Variants in MYO3B observed in about 807,000 individuals in gnomAD.
MYO3B encodes myosin IIIB, also known as myosin-IIIb.
A neutral mutation model predicts 174.6 loss-of-function variants in MYO3B; 156 were observed. That is an observed-to-expected ratio of 0.89 (90% CI 0.78 to 1.02). The LOEUF (loss-of-function observed/expected upper bound fraction) is 1.02. MYO3B is among the 50% of genes least tolerant of loss of function. The pLI, the probability that MYO3B is intolerant of heterozygous loss-of-function variation, is 0.00. For synonymous variants in MYO3B, 563 were observed against 569.1 expected (o/e 0.99, Z 0.15); for missense variants, 1,632 against 1,639.4 (o/e 1.00, Z 0.08).
At chr2:170,544,139 C>T (rs1690315714) in intron 32 of MYO3B, 151 bp downstream of exon 32, 1 of 543,706 alleles carries the variant, frequency 1.8e-6, no homozygotes, top group African/African-American at 1.9e-5. Flanking sequence ...GGATGTAAAA[C>T]TTGTATTAAA....
At chr2:170,406,052 G>A (rs967672109) in intron 21 of MYO3B, among the ~76,000 whole-genome samples, 1 of 151,986 alleles carries the variant, frequency 6.6e-6, no homozygotes, top group Admixed American at 6.6e-5. Flanking sequence ...GCCCCAAAAT[G>A]TCCAGATGAA....
In MYO3B at chr2:170,653,384, CA is replaced by C; in HGVS notation, c.*265del. The C allele has an allele frequency of 2.1e-6, 1 of 473,320 alleles. No individual in the cohort carries two copies. Among genetic ancestry groups the C allele is most frequent in the Non-Finnish European group, 3.8e-6 (1 of 265,546 alleles). The allele number at this position is 473,320 out of a possible 1,614,324, so 29.3% of individuals were successfully genotyped here. On this transcript the variant is annotated 3_prime_UTR_variant, in exon 35 of 35. Coordinates refer to ENST00000408978, the MANE Select transcript of MYO3B (RefSeq NM_138995.5). ...CTGTGGGACACTGAGAACACCTTTA[CA>C]ATAGTTTAAACAGTCATTCATGCCC... is the stretch of plus-strand genomic sequence containing the variant.
intron 30 of MYO3B, among the ~76,000 whole-genome samples, chr2:170,525,955 G>A (rs140688799): frequency 1.3e-3 from 200 of 152,306 alleles, no homozygotes; most frequent in Middle Eastern, 6.8e-3. Context: ...GGTCAAGTTA[G>A]TGCACTAACA....
At chr2:170,323,762 A>G (rs922521667) in intron 7 of MYO3B, among the ~76,000 whole-genome samples, 2 of 152,114 alleles carry the variant, frequency 1.3e-5, no homozygotes, top group Non-Finnish European at 2.9e-5. Flanking sequence ...GAAGTGAGTT[A>G]TTATTATCTA....
At chr2:170,367,494 C>G (rs2094207736) in intron 8 of MYO3B, among the ~76,000 whole-genome samples, 1 of 152,140 alleles carries the variant, frequency 6.6e-6, no homozygotes, top group African/African-American at 2.4e-5. Flanking sequence ...CTACCGGGTG[C>G]ATCTTCAGTA....
intron 30 of MYO3B, chr2:170,519,852 AAT>A (rs1688557850): frequency 8.0e-6 from 2 of 250,692 alleles, no homozygotes; most frequent in African/African-American, 4.6e-5. Context: ...ATGTGCCTGT[AAT>A]CCCAGCTACT....
At chr2:170,265,918 G>T (rs928500351) in intron 7 of MYO3B, among the ~76,000 whole-genome samples, 18 of 152,118 alleles carry the variant, frequency 1.2e-4, no homozygotes, top group Admixed American at 3.3e-4. Context: ...ATAGGAAAAA[G>T]AAGATTAAGC....
rs1690218363 is a variant in MYO3B, at chr2:170,542,978, T to A, written c.3636+12T>A. 2 of 1,603,686 alleles carry A rather than the reference T, an allele frequency of 1.2e-6. No homozygotes were observed. Among genetic ancestry groups the A allele is most frequent in the Non-Finnish European group, 1.7e-6 (2 of 1,173,018 alleles). ...GACATGCAAACAAGGTAGCTGGATA[T>A]CTTGATTCCAAAGTAAATGTGTATC... On this transcript the variant is annotated intron_variant, in intron 31 of 34. Transcript: ENST00000408978.
intron 7 of MYO3B, among the ~76,000 whole-genome samples, chr2:170,293,474 CA>C (rs2105424059): frequency 1.3e-5 from 2 of 152,248 alleles, no homozygotes; most frequent in African/African-American, 4.8e-5. Flanking sequence ...AATGTTTTCA[CA>C]GATATTTTTT....
chr2:170,613,740 A>G (rs1273058331), intron 32 of MYO3B, among the ~76,000 whole-genome samples: 2 of 152,176 alleles, frequency 1.3e-5, no homozygotes, highest in Non-Finnish European at 2.9e-5. Flanking sequence ...TGTGGCTAGA[A>G]TATAAAGCAG....
At chr2:170,588,602 T>C (rs1021093953) in intron 32 of MYO3B, among the ~76,000 whole-genome samples, 3 of 152,194 alleles carry the variant, frequency 2.0e-5, no homozygotes, top group African/African-American at 7.2e-5. Flanking sequence ...TTGATGATGC[T>C]CCCACACAGT....
intron 9 of MYO3B, among the ~76,000 whole-genome samples, chr2:170,373,783 C>T (rs1290768830): frequency 6.7e-6 from 1 of 150,304 alleles, no homozygotes; most frequent in Non-Finnish European, 1.5e-5. Context: ...ACTCAGAAAA[C>T]TTAGGAGAGG....
In MYO3B at chr2:170,387,125, G is replaced by A; in HGVS notation, c.1394G>A (p.Arg465Lys). 6.2e-7 allele frequency: 1 copy of A among 1,614,002 alleles called. No homozygotes were observed. The highest frequency in any genetic ancestry group is 8.5e-7 in the Non-Finnish European group (1 of 1,179,878). The change falls in exon 14 of 35, where the codon AGA (arginine) becomes AAA (lysine). Residue 465 changes from arginine to lysine, a missense_variant. Arg to Lys is a conservative substitution (Grantham distance 26, BLOSUM62 2). Transcript: ENST00000408978. ...FLGKANNQTL[R>K]EKILQVNSLV... is the part of the protein sequence containing the mutation. ...GCACAGGCCAATAATCAGACCTTGA[G>A]AGAGAAAATTCTACAAGTCAACTCC...
chr2:170,569,523 T>G (rs1208166490), intron 32 of MYO3B, among the ~76,000 whole-genome samples: 2 of 151,604 alleles, frequency 1.3e-5, no homozygotes, highest in Non-Finnish European at 2.9e-5. Flanking sequence ...GCTGAGTTTT[T>G]TTTTTTTTTT....
chr2:170,225,553 G>A (rs1170346072), intron 6 of MYO3B, among the ~76,000 whole-genome samples: 1 of 152,140 alleles, frequency 6.6e-6, no homozygotes, highest in Non-Finnish European at 1.5e-5. Context: ...ATAAAATAAA[G>A]TTCTTTAGAA....
intron 8 of MYO3B, among the ~76,000 whole-genome samples, chr2:170,365,991 G>A (rs1175380121): frequency 2.0e-5 from 3 of 152,114 alleles, no homozygotes; most frequent in Non-Finnish European, 2.9e-5. Context: ...TTTGTTTTGC[G>A]TTAAATGAAG....
chr2:170,179,083 C>T (rs1204343777), intron 1 of MYO3B, among the ~76,000 whole-genome samples: 2 of 152,116 alleles, frequency 1.3e-5, no homozygotes, highest in East Asian at 1.9e-4. Flanking sequence ...TGAGTGTCTC[C>T]CCTGGAGCAT....
At chr2:170,240,212 C>T (rs1468255747) in intron 7 of MYO3B, among the ~76,000 whole-genome samples, 4 of 152,186 alleles carry the variant, frequency 2.6e-5, no homozygotes, top group African/African-American at 9.6e-5. Flanking sequence ...TTTTGGGGTT[C>T]ACAATTTAAC....
chr2:170,652,452 C>G (rs1463355343), intron 34 of MYO3B, among the ~76,000 whole-genome samples: 1 of 152,128 alleles, frequency 6.6e-6, no homozygotes, highest in Non-Finnish European at 1.5e-5. Context: ...AATTCTCCTT[C>G]CACAAATAAG....
Sources: gnomAD v4.1 joint callset for allele counts (sites outside exome capture counted in the v4.1 genomes callset) on GRCh38, gnomAD v4.1.1 for gene constraint, MANE v1.5 for transcripts, NCBI Gene and HGNC (gene_info 2026-07-23, HGNC 2026-07-21) for gene names.